The following RPH3A variants were observed in gnomAD, a reference collection of about 807,000 sequenced individuals.
RPH3A encodes rabphilin-3A.
In RPH3A, 48 loss-of-function variants were observed where a neutral mutation model predicts 102.2. The observed-to-expected ratio is 0.47, with a 90% CI of 0.37 to 0.60. RPH3A has a LOEUF of 0.60. RPH3A is among the 20% of genes least tolerant of loss of function. RPH3A has a pLI of 0.00. For synonymous variants in RPH3A, 310 were observed against 324.3 expected, an observed-to-expected ratio of 0.96 and a Z score of 0.47; for missense variants, 781 against 910.1, an observed-to-expected ratio of 0.86 and a Z score of 1.83.
At chr12:112,586,424 C>G (rs2039439812) in intron 1 of RPH3A, among the ~76,000 whole-genome samples, 1 of 151,966 alleles carries the variant, frequency 6.6e-6, no homozygotes, top group Admixed American at 6.6e-5. Flanking sequence ...TCTGAAAAGG[C>G]ATTTGAGTAA....
chr12:112,804,937 C>A (rs1358703952), intron 2 of RPH3A, among the ~76,000 whole-genome samples: 1 of 152,118 alleles, frequency 6.6e-6, no homozygotes, highest in Non-Finnish European at 1.5e-5. Flanking sequence ...AAACTCAGAT[C>A]TCGCCTGTGA....
intron 1 of RPH3A, among the ~76,000 whole-genome samples, chr12:112,712,965 T>TCTTTTA (rs1301141992): frequency 1.5e-5 from 1 of 68,252 alleles, no homozygotes; most frequent in Non-Finnish European, 2.9e-5. Flanking sequence ...TTCTTCTTCT[T>TCTTTTA]TCTTCTTCTT....
At chr12:112,865,366 T>C (rs1835336994) in intron 5 of RPH3A, 48 bp from the exon 6 acceptor site, 1 of 1,602,150 alleles carries the variant, frequency 6.2e-7, no homozygotes, top group Non-Finnish European at 8.5e-7. Context: ...GGTATGCTGG[T>C]GGTCCCCAGT....
At position 112,657,930 on chromosome 12, in the gene RPH3A, C is replaced by T. The variant is rs533309430; in HGVS notation, c.-140+82611C>T. Among the ~76,000 whole-genome samples the T allele has an allele frequency of 5.3e-5, 8 of 152,052 alleles. No homozygotes were observed. In the East Asian group the frequency reaches 1.4e-3, roughly 26 times the overall value. On this transcript the variant is annotated intron_variant, in intron 1 of 21. Transcript: ENST00000543106. Reference sequence around the variant, plus strand: ...TGTGTGGATAAGGGGAAGAGCATTCCAGGCAGAGGGAACAGCCAGTGCAAA... The same window carrying T: ...TGTGTGGATAAGGGGAAGAGCATTCTAGGCAGAGGGAACAGCCAGTGCAAA...
At chr12:112,607,641 C>A (rs1057260846) in intron 1 of RPH3A, among the ~76,000 whole-genome samples, 2 of 152,168 alleles carry the variant, frequency 1.3e-5, no homozygotes, top group Admixed American at 6.6e-5. Flanking sequence ...GGGTTTCCAG[C>A]AAGTTATGCG....
At chr12:112,594,480 A>T (rs549347301) in intron 1 of RPH3A, among the ~76,000 whole-genome samples, 2 of 151,956 alleles carry the variant, frequency 1.3e-5, no homozygotes, top group East Asian at 3.9e-4. Flanking sequence ...CCATCTATCC[A>T]TCTCATCATC....
intron 10 of RPH3A, 49 bp downstream of exon 10, chr12:112,870,088 C>T: frequency 1.9e-6 from 3 of 1,548,002 alleles, no homozygotes; most frequent in South Asian, 2.4e-5. Context: ...TAGGGAGACT[C>T]AAAAAGAATG....
rs547429619 is a variant in RPH3A at position 112,717,339 on chromosome 12, C to T, written c.-139-74804C>T. ...TCTCCTACCCTCAACCTCTGGCAAC[C>T]GTTGATCTGTTCTTCATTCCTATAG... On this transcript the variant is annotated intron_variant, in intron 1 of 21. Transcript: ENST00000543106. Among the ~76,000 whole-genome samples, 23 of 152,194 alleles carry T rather than the reference C, an allele frequency of 1.5e-4. No individual in the cohort carries two copies. In the South Asian group the frequency reaches 1.7e-3, roughly 11 times the overall value.
In RPH3A at chr12:112,640,683, A is replaced by T. The variant is rs145908667; in HGVS notation, c.-140+65364A>T. On this transcript the variant is annotated intron_variant, in intron 1 of 21. Coordinates refer to the RPH3A transcript ENST00000543106. ...GAGTGCATGGAAGTTCTGCAGAGGTAGGGGATTGTGGCCACGGAATTTAAT... is the reference window on the plus strand; with the variant it reads ...GAGTGCATGGAAGTTCTGCAGAGGTTGGGGATTGTGGCCACGGAATTTAAT... Among the ~76,000 whole-genome samples the T allele has an allele frequency of 1.9e-3, 296 of 152,312 alleles. 1 individual carries two copies. Among genetic ancestry groups the T allele is most frequent in the African/African-American group, 6.3e-3 (261 of 41,580 alleles).
chr12:112,634,373 A>C (rs183323978), intron 1 of RPH3A, among the ~76,000 whole-genome samples: 697 of 9,520 alleles, frequency 0.073, 300 homozygotes, highest in Non-Finnish European at 0.085. Flanking sequence ...ACAAAACAAA[A>C]AAACAAACAA....
At chr12:112,875,833 G>C in intron 12 of RPH3A, 92 bp downstream of exon 12, 1 of 1,129,120 alleles carries the variant, frequency 8.9e-7, no homozygotes, top group Non-Finnish European at 1.3e-6. Context: ...ACGTGACTCA[G>C]CCTGCACCCT....
intron 1 of RPH3A, among the ~76,000 whole-genome samples, chr12:112,767,018 C>T (rs193110710): frequency 3.5e-4 from 53 of 152,216 alleles, no homozygotes; most frequent in African/African-American, 1.2e-3. Context: ...GGATGGTTGA[C>T]GTCCCAAGGA....
intron 1 of RPH3A, among the ~76,000 whole-genome samples, chr12:112,631,325 A>C (rs1233455720): frequency 6.6e-6 from 1 of 151,988 alleles, no homozygotes; most frequent in African/African-American, 2.4e-5. Flanking sequence ...CTTGACAATT[A>C]AAAAAAATCC....
intron 1 of RPH3A, among the ~76,000 whole-genome samples, chr12:112,580,541 C>G (rs1376340715): frequency 6.6e-6 from 1 of 151,632 alleles, no homozygotes; most frequent in African/African-American, 2.4e-5. Context: ...GTAGCTGGGA[C>G]CACCGGCGCC....
At chr12:112,814,423 T>C (rs1283926148) in intron 2 of RPH3A, among the ~76,000 whole-genome samples, 1 of 152,166 alleles carries the variant, frequency 6.6e-6, no homozygotes, top group Non-Finnish European at 1.5e-5. Context: ...TTGCTGTTTG[T>C]GCTTGATTAC....
At chr12:112,774,263 A>G (rs1373997107) in intron 1 of RPH3A, among the ~76,000 whole-genome samples, 1 of 152,202 alleles carries the variant, frequency 6.6e-6, no homozygotes. Context: ...TACAAATAAA[A>G]GCAAAGAGGT....
At chr12:112,578,669 C>T (rs1379206366) in intron 1 of RPH3A, among the ~76,000 whole-genome samples, 1 of 152,180 alleles carries the variant, frequency 6.6e-6, no homozygotes, top group Admixed American at 6.5e-5. Context: ...AAAATGCGAA[C>T]ATAGCAACCA....
chr12:112,685,364 A>G (rs939436686), intron 1 of RPH3A, among the ~76,000 whole-genome samples: 11 of 152,130 alleles, frequency 7.2e-5, no homozygotes, highest in African/African-American at 2.4e-4. Flanking sequence ...GGAGACACCT[A>G]TATTCAACCA....
At chr12:112,830,465 C>T (rs990215676) in intron 3 of RPH3A, among the ~76,000 whole-genome samples, 4 of 152,070 alleles carry the variant, frequency 2.6e-5, no homozygotes, top group Non-Finnish European at 4.4e-5. Flanking sequence ...AGGATATGCT[C>T]AATGAGTACA....
Sources: gnomAD v4.1 joint callset for allele counts (sites outside exome capture counted in the v4.1 genomes callset) on GRCh38, gnomAD v4.1.1 for gene constraint, MANE v1.5 for transcripts, NCBI Gene and HGNC (gene_info 2026-07-23, HGNC 2026-07-21) for gene names.